Variants in DUOX1 observed in about 807,000 individuals in gnomAD.
DUOX1 encodes NADPH thyroid oxidase 1.
DUOX1 carries 134 observed loss-of-function variants against 181.8 expected under a neutral mutation model. That is an observed-to-expected ratio of 0.74 (90% CI 0.64 to 0.85). The LOEUF is 0.85. Ranked by LOEUF, DUOX1 falls within the 40% of genes least tolerant of loss-of-function variation. DUOX1 has a pLI of 0.00. For missense variants in DUOX1, 1,814 were observed against 2,064.4 expected, an observed-to-expected ratio of 0.88 and a Z score of 2.35; for synonymous variants, 798 against 832.5, an observed-to-expected ratio of 0.96 and a Z score of 0.71.
At chr15:45,154,140 C>T in intron 27 of DUOX1, 140 bp downstream of exon 27, 2 of 773,216 alleles carry the variant, frequency 2.6e-6, no homozygotes, top group Non-Finnish European at 4.5e-6. Context: ...CCTGAGGACA[C>T]TACTGGGTGG....
Position 45,155,936 on chromosome 15 carries a change from G to A in DUOX1, c.3702+7G>A. ...CATCCTGCTCTATGTCCTGGTGAGG[G>A]CTTTTGGCTGTGAGCCAGGCCAGGA... On this transcript the variant is annotated splice_region_variant and intron_variant, in intron 28 of 33. Transcript: ENST00000389037. The A allele has an allele frequency of 6.2e-7, 1 of 1,614,142 alleles. No homozygotes were observed. Among genetic ancestry groups the A allele is most frequent in the Non-Finnish European group, 8.5e-7 (1 of 1,180,018 alleles).
chr15:45,138,189 G>A (rs1700220352), intron 10 of DUOX1, among the ~76,000 whole-genome samples, 175 bp downstream of exon 10: 1 of 151,938 alleles, frequency 6.6e-6, no homozygotes. Flanking sequence ...GAGGACCTCA[G>A]GCATCTCCCC....
intron 3 of DUOX1, 86 bp from the exon 4 acceptor site, chr15:45,134,059 T>C (rs1405311892): frequency 5.8e-6 from 9 of 1,553,068 alleles, no homozygotes; most frequent in Non-Finnish European, 7.8e-6. Flanking sequence ...GGTTTTAGGA[T>C]CCATGACATG....
At chr15:45,132,356 T>C (rs1034660235) in intron 2 of DUOX1, among the ~76,000 whole-genome samples, 25 of 152,232 alleles carry the variant, frequency 1.6e-4, no homozygotes, top group African/African-American at 5.8e-4. Flanking sequence ...TAGGAAAAGA[T>C]TGATTAGACA....
chr15:45,140,756 A>G (rs1896467909), intron 12 of DUOX1, 139 bp from the exon 13 acceptor site: 2 of 799,212 alleles, frequency 2.5e-6, no homozygotes, highest in Non-Finnish European at 3.9e-6. Context: ...CCTGGGGCAT[A>G]ATAAGCACTG....
intron 25 of DUOX1, 101 bp from the exon 26 acceptor site, chr15:45,153,279 C>T (rs1896864461): frequency 1.4e-6 from 1 of 734,260 alleles, no homozygotes; most frequent in South Asian, 1.4e-5. Context: ...AGGTACTTCT[C>T]TGGGACCCCC....
chr15:45,147,753 C>G, intron 19 of DUOX1, 95 bp downstream of exon 19: 1 of 1,562,480 alleles, frequency 6.4e-7, no homozygotes, highest in Non-Finnish European at 8.8e-7. Context: ...ATGGCAGATG[C>G]CCAGAAGTGC....
chr15:45,151,807 G>A lies in DUOX1; in HGVS notation c.3015-67G>A, dbSNP rs909660645. Reference sequence around the variant, plus strand: ...TCACTTCTGGGCGGCTCACCTCCGTGAAGTGGGGCCCCACTAGCGTTGGGT... The same window carrying A: ...TCACTTCTGGGCGGCTCACCTCCGTAAAGTGGGGCCCCACTAGCGTTGGGT... On this transcript the variant is annotated intron_variant, in intron 23 of 33. Coordinates refer to ENST00000389037, the MANE Select transcript of DUOX1 (RefSeq NM_175940.3). The A allele has an allele frequency of 2.0e-6, 3 of 1,529,716 alleles. No homozygotes were observed. The African/African-American group carries it at 4.2e-5, about 21-fold the overall frequency. 94.8% of individuals were successfully genotyped at this position (1,529,716 alleles called of 1,614,324 possible).
intron 17 of DUOX1, 93 bp from the exon 18 acceptor site, chr15:45,144,802 C>A: frequency 7.3e-7 from 1 of 1,366,826 alleles, no homozygotes; most frequent in Non-Finnish European, 1.0e-6. Flanking sequence ...TTTTCAAGGC[C>A]ACCCCAGTGG....
In DUOX1 at chr15:45,151,873, G is replaced by A. The variant is rs748865207; in HGVS notation, c.3015-1G>A. 1.2e-6 allele frequency: 2 copies of A among 1,611,482 alleles called. No individual in the cohort carries two copies. The highest frequency in any genetic ancestry group is 1.7e-6 in the Non-Finnish European group (2 of 1,178,620). On this transcript the variant is annotated splice_acceptor_variant, in intron 23 of 33. Coordinates refer to ENST00000389037, the MANE Select transcript of DUOX1 (RefSeq NM_175940.3). LOFTEE classifies it high-confidence loss of function. The stretch of plus-strand genomic sequence containing the variant: ...AAAGGCTAAGGCTTCCTGTCTCCCA[G>A]GGTAACGTCATTCCAGCCCTTGCTG...
chr15:45,163,874 C>T lies in DUOX1; in HGVS notation c.4489C>T (p.Pro1497Ser). The T allele has an allele frequency of 2.5e-6, 4 of 1,614,150 alleles. No individual in the cohort carries two copies. Among genetic ancestry groups the T allele is most frequent in the Non-Finnish European group, 3.4e-6 (4 of 1,180,028 alleles). The change falls in exon 33 of 34, where the codon CCC (proline) becomes TCC (serine). Residue 1497 changes from proline to serine, a missense_variant. This residue lies in a region of DUOX1 where 124 missense variants were observed against 125.7 expected (regional missense o/e 0.99). Coordinates refer to ENST00000389037, the MANE Select transcript of DUOX1 (RefSeq NM_175940.3). Reference sequence around the variant, plus strand: ...CTCCATCACCCACTTTGGCCGTCCCCCCTTTGAGCCCTTCTTCAACTCCCT... The same window carrying T: ...CTCCATCACCCACTTTGGCCGTCCCTCCTTTGAGCCCTTCTTCAACTCCCT... ...LRSITHFGRPPFEPFFNSLQE... is the reference protein window; with the variant it reads ...LRSITHFGRPSFEPFFNSLQE...
chr15:45,154,739 C>T (rs1595592767), intron 27 of DUOX1, among the ~76,000 whole-genome samples: 1 of 152,180 alleles, frequency 6.6e-6, no homozygotes, highest in South Asian at 2.1e-4. Flanking sequence ...GGTTAGATCC[C>T]TTCTTAACCT....
At chr15:45,135,036 G>A in intron 4 of DUOX1, 68 bp from the exon 5 acceptor site, 1 of 1,572,560 alleles carries the variant, frequency 6.4e-7, no homozygotes, top group Admixed American at 1.9e-5. Flanking sequence ...GAAGGAAACT[G>A]GATACCTAGG....
intron 12 of DUOX1, chr15:45,139,834 A>G (rs1054554654): frequency 3.7e-5 from 23 of 614,938 alleles, no homozygotes; most frequent in Admixed American, 1.2e-4. Context: ...TTAAGCATCT[A>G]TTGTTTGCTA....
intron 21 of DUOX1, among the ~76,000 whole-genome samples, chr15:45,148,852 T>C (rs2141280844): frequency 6.6e-6 from 1 of 151,570 alleles, no homozygotes; most frequent in Middle Eastern, 3.5e-3. Flanking sequence ...GTCTCCCTGT[T>C]ACAGCCCTAC....
chr15:45,161,798 T>C lies in DUOX1; in HGVS notation c.3917T>C (p.Val1306Ala). Reference protein sequence around the residue: ...QGFEYKSGQWVRIACLALGTT... With the variant: ...QGFEYKSGQWARIACLALGTT... Reference sequence around the variant, plus strand: ...TTTGAGTACAAGTCAGGGCAGTGGGTGCGGATCGCTTGCCTGGCTCTGGGG... The same window carrying C: ...TTTGAGTACAAGTCAGGGCAGTGGGCGCGGATCGCTTGCCTGGCTCTGGGG... The change falls in exon 30 of 34, where the codon GTG becomes GCG. Residue 1306 changes from valine to alanine, a missense_variant. By Grantham distance (64) the Val-to-Ala change is moderately conservative. Coordinates refer to ENST00000389037, the MANE Select transcript of DUOX1 (RefSeq NM_175940.3). 3 of 1,613,842 alleles carry C rather than the reference T, an allele frequency of 1.9e-6. No homozygotes were observed. Among genetic ancestry groups the C allele is most frequent in the Non-Finnish European group, 1.7e-6 (2 of 1,179,986 alleles).
At position 45,147,621 on chromosome 15, in the gene DUOX1, C is replaced by T. The variant is rs748591695; in HGVS notation, c.2511C>T (p.Phe837=). 4 of 1,614,186 alleles carry T rather than the reference C, an allele frequency of 2.5e-6. No homozygotes were observed. The East Asian group carries it at 8.9e-5, about 36-fold the overall frequency. ...AGGATGGCAATGGCTACCTGTCCTTCCGAGAGTTCCTGGACATCCTGGTGG... is the reference window on the plus strand; with the variant it reads ...AGGATGGCAATGGCTACCTGTCCTTTCGAGAGTTCCTGGACATCCTGGTGG... ...ADKDGNGYLS[F]REFLDILVVF... is the part of the protein sequence containing the mutation. Residue 837 remains phenylalanine, a synonymous_variant, in exon 19 of 34, where the codon TTC becomes TTT. Transcript: ENST00000389037.
intron 28 of DUOX1, among the ~76,000 whole-genome samples, chr15:45,159,963 C>A (rs755999530): frequency 1.2e-4 from 18 of 152,116 alleles, no homozygotes; most frequent in Non-Finnish European, 2.4e-4. Flanking sequence ...ACCAGCCTGG[C>A]CAACATGGTG....
rs574203891 is a variant in DUOX1, at chr15:45,162,060, C to T, written c.4089+90C>T. ...GCACTAGACTCCCCGCTCTGTGCCT[C>T]CCCTCTCTGCATCTAGAGACTGGTT... On this transcript the variant is annotated intron_variant, in intron 30 of 33. Transcript: ENST00000389037. 1.6e-4 allele frequency: 240 copies of T among 1,464,248 alleles called. 2 individuals carry two copies. In the South Asian group the frequency reaches 2.8e-3, roughly 17 times the overall value. 90.7% of individuals were successfully genotyped at this position (1,464,248 alleles called of 1,614,324 possible).
Sources: gnomAD v4.1 joint callset for allele counts (sites outside exome capture counted in the v4.1 genomes callset) on GRCh38, gnomAD v4.1.1 for gene constraint, gnomAD v4.1.1 regional missense constraint, MANE v1.5 for transcripts, NCBI Gene and HGNC (gene_info 2026-07-23, HGNC 2026-07-21) for gene names.